ARHGAP8: variants seen among roughly 807,000 people sequenced by gnomAD.
ARHGAP8 encodes rho GTPase-activating protein 8.
A neutral mutation model predicts 46.1 loss-of-function variants in ARHGAP8; 62 were observed. That is an observed-to-expected ratio of 1.34 (90% CI 1.10 to 1.66). The LOEUF (loss-of-function observed/expected upper bound fraction) is 1.66, where lower values mean the gene tolerates loss of function less well. Ranked by LOEUF, ARHGAP8 falls within the 40% of genes most tolerant of loss-of-function variation. ARHGAP8 has a pLI of 0.00. For missense variants in ARHGAP8, 923 were observed against 568.4 expected (o/e 1.62, Z -6.34); for synonymous variants, 375 against 243.1 (o/e 1.54, Z -5.05).
chr22:44,800,238 G>A (rs4823382), intron 2 of ARHGAP8, among the ~76,000 whole-genome samples: 41,267 of 151,504 alleles, frequency 0.27, 6,492 homozygotes, highest in East Asian at 0.44. Context: ...CAGGTAGCTA[G>A]GACTGTAGAC....
At position 44,862,436 on chromosome 22, in the gene ARHGAP8, C is replaced by T. The variant is rs146628406; in HGVS notation, c.1143C>T (p.Phe381=). ...TGATCGAGTACTATGAAAAGATCTT[C>T]AGCACCCCGGAGGCACCTGGGGAGC... The part of the protein sequence containing the change: ...ELLIEYYEKI[F]STPEAPGEHG... The change falls in exon 12 of 12, where the codon TTC becomes TTT. Residue 381 remains phenylalanine (F), a synonymous_variant. Transcript: ENST00000356099. 4.0e-5 allele frequency: 64 copies of T among 1,614,164 alleles called. No homozygotes were observed. The African/African-American group carries it at 7.7e-4, about 19-fold the overall frequency.
At chr22:44,859,129 A>G (rs2070339987) in intron 10 of ARHGAP8, among the ~76,000 whole-genome samples, 1 of 152,060 alleles carries the variant, frequency 6.6e-6, no homozygotes, top group Non-Finnish European at 1.5e-5. Flanking sequence ...AGCTTCCTGG[A>G]AGGTGGTGCT....
chr22:44,834,003 T>C (rs545577877), intron 7 of ARHGAP8, among the ~76,000 whole-genome samples: 1 of 152,298 alleles, frequency 6.6e-6, no homozygotes, highest in East Asian at 1.9e-4. Flanking sequence ...TGTTTCCTCT[T>C]CCATTCCTGA....
At position 44,848,955 on chromosome 22, in the gene ARHGAP8, T is replaced by C. The variant is rs901671244; in HGVS notation, c.772T>C (p.Tyr258His). 1.9e-6 allele frequency: 3 copies of C among 1,614,102 alleles called. No individual in the cohort carries two copies. Among genetic ancestry groups the C allele is most frequent in the Non-Finnish European group, 2.5e-6 (3 of 1,180,016 alleles). The stretch of plus-strand genomic sequence containing the variant: ...AGGGAAGCCCGTGAACTTTGACGAC[T>C]ACGGGGACATTCACATCCCTGCCGT... Reference protein sequence around the residue: ...NQGKPVNFDDYGDIHIPAVIL... With the variant: ...NQGKPVNFDDHGDIHIPAVIL... The change falls in exon 10 of 12, where the codon TAC (tyrosine) becomes CAC (histidine). Residue 258 changes from tyrosine (Y) to histidine (H), a missense_variant. Physicochemically the swap from Tyr to His is moderately conservative, Grantham distance 83 (BLOSUM62 2). Coordinates refer to ENST00000356099, the MANE Select transcript of ARHGAP8 (RefSeq NM_181335.3).
At chr22:44,860,122 A>C (rs2349857) in intron 11 of ARHGAP8, among the ~76,000 whole-genome samples, 1 of 151,828 alleles carries the variant, frequency 6.6e-6, no homozygotes, top group South Asian at 2.1e-4. Flanking sequence ...CTCTGCCCCC[A>C]TGTCATTTCC....
intron 11 of ARHGAP8, among the ~76,000 whole-genome samples, chr22:44,860,930 T>G (rs893481213): frequency 1.3e-5 from 2 of 152,022 alleles, no homozygotes; most frequent in African/African-American, 4.8e-5. Context: ...TGTCACTTCT[T>G]GGTTTTACAA....
intron 11 of ARHGAP8, among the ~76,000 whole-genome samples, chr22:44,861,460 ACC>A (rs2070479574): frequency 1.7e-5 from 2 of 117,910 alleles, no homozygotes; most frequent in Non-Finnish European, 1.9e-5. Context: ...GGCTTGGGGG[ACC>A]GGCAGCCAGG....
At chr22:44,770,873 G>A (rs758670221) in intron 1 of ARHGAP8, among the ~76,000 whole-genome samples, 1 of 152,178 alleles carries the variant, frequency 6.6e-6, no homozygotes, top group African/African-American at 2.4e-5. Flanking sequence ...TATAAAGATG[G>A]TTTAGTTTTG....
chr22:44,800,100 CTTTTTTTT>C (rs769010356), intron 2 of ARHGAP8, among the ~76,000 whole-genome samples: 2 of 92,556 alleles, frequency 2.2e-5, no homozygotes, highest in East Asian at 3.5e-4. Flanking sequence ...TCTGTTCTGT[CTTTTTTTT>C]TTTTTTTTTT....
At chr22:44,824,255 A>G (rs1930350871) in intron 6 of ARHGAP8, among the ~76,000 whole-genome samples, 1 of 152,108 alleles carries the variant, frequency 6.6e-6, no homozygotes, top group African/African-American at 2.4e-5. Context: ...TAACCCCTCT[A>G]CAGTAGGCCC....
chr22:44,826,212 C>G (rs1157907889), intron 7 of ARHGAP8, among the ~76,000 whole-genome samples: 3 of 152,094 alleles, frequency 2.0e-5, no homozygotes, highest in Non-Finnish European at 4.4e-5. Flanking sequence ...CACGTGGTCA[C>G]TCTGCATCCC....
At chr22:44,777,372 G>C (rs1045062567) in intron 1 of ARHGAP8, 2 of 151,840 alleles carry the variant, frequency 1.3e-5, no homozygotes, top group Non-Finnish European at 2.9e-5. Context: ...CTTCTGCTTG[G>C]AGAAAGTCCT....
chr22:44,845,881 G>A (rs2069942706), intron 8 of ARHGAP8, among the ~76,000 whole-genome samples: 1 of 152,168 alleles, frequency 6.6e-6, no homozygotes, highest in African/African-American at 2.4e-5. Context: ...GGAGGAAAGA[G>A]GTTCCCACGG....
chr22:44,764,541 C>T (rs897962679), intron 1 of ARHGAP8, among the ~76,000 whole-genome samples: 1 of 152,242 alleles, frequency 6.6e-6, no homozygotes, highest in Non-Finnish European at 1.5e-5. Flanking sequence ...CTGAGTCATG[C>T]AGGTTCTCTG....
At chr22:44,820,394 G>A (rs1464987993) in intron 5 of ARHGAP8, among the ~76,000 whole-genome samples, 2 of 152,178 alleles carry the variant, frequency 1.3e-5, no homozygotes, top group Non-Finnish European at 2.9e-5. Context: ...TTCCTGCAGA[G>A]GGGCAAGACT....
chr22:44,769,293 C>T lies in ARHGAP8; in HGVS notation c.-72+16666C>T, dbSNP rs143845006. Among the ~76,000 whole-genome samples, 41 of 152,286 alleles carry T rather than the reference C, an allele frequency of 2.7e-4. No homozygotes were observed. In the East Asian group the frequency reaches 6.8e-3, roughly 25 times the overall value. On this transcript the variant is annotated intron_variant, in intron 1 of 11. Coordinates refer to ENST00000356099, the MANE Select transcript of ARHGAP8 (RefSeq NM_181335.3). ...CAGCTGAACATATATGTGGTCTATT[C>T]GAGACTTTCTGTTCCATTCCACTGA...
intron 7 of ARHGAP8, among the ~76,000 whole-genome samples, chr22:44,830,727 C>T (rs998893695): frequency 2.0e-5 from 3 of 151,838 alleles, no homozygotes; most frequent in Middle Eastern, 3.2e-3. Flanking sequence ...TTAATAGAGA[C>T]GAGGTTTCAC....
In ARHGAP8 at chr22:44,795,716, C is replaced by T. The variant is rs139834589; in HGVS notation, c.80-6361C>T. On this transcript the variant is annotated intron_variant, in intron 2 of 11. Coordinates refer to ENST00000356099, the MANE Select transcript of ARHGAP8 (RefSeq NM_181335.3). ...CTGCGGAAAAGCTGCCAAAGACCTG[C>T]GGTGGCCCATTGTGGCCCACAGGCT... Among the ~76,000 whole-genome samples the T allele has an allele frequency of 3.9e-5, 6 of 152,272 alleles. No homozygotes were observed. In the South Asian group the frequency reaches 1.0e-3, roughly 26 times the overall value.
chr22:44,831,807 A>C (rs573881661), intron 7 of ARHGAP8, among the ~76,000 whole-genome samples: 2 of 152,196 alleles, frequency 1.3e-5, no homozygotes, highest in Admixed American at 6.5e-5. Context: ...ATTCTTGCCT[A>C]TTGGTCTATA....
Sources: allele counts gnomAD v4.1 joint callset (sites outside exome capture counted in the v4.1 genomes callset), GRCh38; gene constraint gnomAD v4.1.1; transcripts MANE v1.5; gene names NCBI Gene and HGNC (gene_info 2026-07-23, HGNC 2026-07-21).